FGF2: variants seen among roughly 807,000 people sequenced by gnomAD.
FGF2 encodes basic fibroblast growth factor bFGF.
In FGF2, 13 loss-of-function variants were observed where a neutral mutation model predicts 15.9. The observed-to-expected ratio is 0.82, with a 90% CI of 0.53 to 1.30. The LOEUF is 1.30. FGF2 is among the 50% of genes most tolerant of loss of function. The pLI is 0.00. For synonymous variants in FGF2, 90 were observed against 78.4 expected (o/e 1.15, Z -0.78); for missense variants, 163 against 196.9 (o/e 0.83, Z 1.03).
chr4:122,891,855 A>T (rs948802991), intron 2 of FGF2, among the ~76,000 whole-genome samples: 3 of 152,064 alleles, frequency 2.0e-5, no homozygotes, highest in Admixed American at 1.3e-4. Flanking sequence ...TACTGCTGGG[A>T]GCTATAGCTT....
At chr4:122,870,543 T>A (rs980941281) in intron 1 of FGF2, among the ~76,000 whole-genome samples, 3 of 149,514 alleles carry the variant, frequency 2.0e-5, no homozygotes, top group African/African-American at 7.3e-5. Flanking sequence ...TTCTTCCTGG[T>A]TTAGCCTTGG....
At chr4:122,853,722 G>A (rs1726280711) in intron 1 of FGF2, among the ~76,000 whole-genome samples, 1 of 152,192 alleles carries the variant, frequency 6.6e-6, no homozygotes, top group Admixed American at 6.5e-5. Flanking sequence ...TACTGGAATG[G>A]TGCGAGGGTG....
chr4:122,885,432 T>C (rs1263773309), intron 2 of FGF2, among the ~76,000 whole-genome samples: 2 of 152,218 alleles, frequency 1.3e-5, no homozygotes, highest in African/African-American at 4.8e-5. Context: ...CAGGAATGCA[T>C]GAGGTGCTTT....
At chr4:122,852,092 T>G (rs1056719644) in intron 1 of FGF2, among the ~76,000 whole-genome samples, 1 of 152,184 alleles carries the variant, frequency 6.6e-6, no homozygotes, top group African/African-American at 2.4e-5. Context: ...ACTGCTTCAG[T>G]TGTCTATTGC....
chr4:122,859,971 T>G (rs1235836799), intron 1 of FGF2, among the ~76,000 whole-genome samples: 1 of 152,188 alleles, frequency 6.6e-6, no homozygotes, highest in East Asian at 1.9e-4. Context: ...TTCTTGAAGG[T>G]CCCACTTGAG....
chr4:122,839,953 G>A (rs923133109), intron 1 of FGF2, among the ~76,000 whole-genome samples: 5 of 152,138 alleles, frequency 3.3e-5, no homozygotes, highest in Admixed American at 3.3e-4. Context: ...TTGGCTTGTC[G>A]ATGGCCACTC....
intron 1 of FGF2, among the ~76,000 whole-genome samples, chr4:122,849,712 T>A (rs141894369): frequency 6.6e-6 from 1 of 152,180 alleles, no homozygotes; most frequent in Non-Finnish European, 1.5e-5. Flanking sequence ...GTCTGTGATA[T>A]TCAGTAATTT....
chr4:122,875,758 G>A (rs1003467236), intron 1 of FGF2, among the ~76,000 whole-genome samples: 1 of 152,212 alleles, frequency 6.6e-6, no homozygotes, highest in Non-Finnish European at 1.5e-5. Context: ...AGTGAGCCGT[G>A]ATTGTGCCAC....
intron 1 of FGF2, among the ~76,000 whole-genome samples, chr4:122,841,098 G>A (rs192627793): frequency 1.5e-3 from 234 of 152,292 alleles, no homozygotes; most frequent in African/African-American, 5.5e-3. Flanking sequence ...ATATTTGACC[G>A]AATTTCTCAT....
intron 2 of FGF2, among the ~76,000 whole-genome samples, chr4:122,880,044 C>G (rs1726930469): frequency 6.6e-6 from 1 of 152,170 alleles, no homozygotes; most frequent in Admixed American, 6.5e-5. Flanking sequence ...ACTCAAAAGT[C>G]CACAGTCCAA....
At chr4:122,877,598 G>C (rs954084021) in intron 2 of FGF2, among the ~76,000 whole-genome samples, 1 of 152,204 alleles carries the variant, frequency 6.6e-6, no homozygotes, top group African/African-American at 2.4e-5. Flanking sequence ...ATAAAAGACA[G>C]ATCTCATTCC....
chr4:122,862,156 G>A (rs146848368), intron 1 of FGF2, among the ~76,000 whole-genome samples: 1 of 152,270 alleles, frequency 6.6e-6, no homozygotes, highest in Non-Finnish European at 1.5e-5. Context: ...GCACATAGCT[G>A]TTACCCATAA....
chr4:122,877,414 T>C (rs1321143920), intron 2 of FGF2, among the ~76,000 whole-genome samples: 1 of 152,158 alleles, frequency 6.6e-6, no homozygotes, highest in Non-Finnish European at 1.5e-5. Flanking sequence ...TGCCTGGCTG[T>C]AGAGAGGAAC....
At chr4:122,843,275 G>A (rs912400178) in intron 1 of FGF2, among the ~76,000 whole-genome samples, 1 of 152,206 alleles carries the variant, frequency 6.6e-6, no homozygotes, top group Non-Finnish European at 1.5e-5. Context: ...GGCGGGGAAG[G>A]GCAGGAAGGC....
In FGF2 at chr4:122,892,350, C is replaced by G; in HGVS notation, c.422C>G (p.Pro141Arg). 6.2e-7 allele frequency: 1 copy of G among 1,614,088 alleles called. No homozygotes were observed. The change falls in exon 3 of 3, where the codon CCT becomes CGT. Residue 141 changes from proline to arginine, a missense_variant. Coordinates refer to ENST00000644866, the MANE Select transcript of FGF2 (RefSeq NM_001361665.2). The stretch of plus-strand genomic sequence containing the variant: ...TATAAACTTGGATCCAAAACAGGAC[C>G]TGGGCAGAAAGCTATACTTTTTCTT... ...GQYKLGSKTG[P>R]GQKAILFLPM...
chr4:122,874,288 C>T lies in FGF2; in HGVS notation c.179-2033C>T, dbSNP rs10035081. Among the ~76,000 whole-genome samples the T allele has an allele frequency of 5.7e-3, 868 of 152,224 alleles. 8 individuals carry two copies. Among genetic ancestry groups the T allele is most frequent in the African/African-American group, 0.019 (804 of 41,544 alleles). On this transcript the variant is annotated intron_variant, in intron 1 of 2. Transcript: ENST00000644866. ...AACAAAGCTTATTTTCTGCATTTTC[C>T]AATAATATTGTAAAAAATACTTCAT...
intron 1 of FGF2, among the ~76,000 whole-genome samples, chr4:122,852,044 T>C (rs957325640): frequency 3.3e-5 from 5 of 149,508 alleles, no homozygotes; most frequent in Non-Finnish European, 7.5e-5. Flanking sequence ...TATTTATTAT[T>C]CCTAAATCTC....
intron 1 of FGF2, among the ~76,000 whole-genome samples, chr4:122,841,369 C>T (rs45513297): frequency 4.4e-4 from 67 of 152,354 alleles, no homozygotes; most frequent in Admixed American, 1.9e-3. Context: ...GGAGTGGACA[C>T]TCCTTAGTCA....
At position 122,894,586 on chromosome 4, in the gene FGF2, C is replaced by T; in HGVS notation, c.*2190C>T. 6.6e-6 allele frequency: 1 copy of T among 151,430 alleles called. No individual in the cohort carries two copies. Among genetic ancestry groups the T allele is most frequent in the South Asian group, 2.1e-4 (1 of 4,782 alleles). 9.4% of individuals were successfully genotyped at this position (151,430 alleles called of 1,614,324 possible). A position where few individuals can be genotyped will look rare whatever the true frequency, so the allele number is the denominator to read the frequency against. ...TAGGCAACAGAGTGAGACTTTGTCT[C>T]AAAAAAAGAGAAATTTTCCTTAATA... On this transcript the variant is annotated 3_prime_UTR_variant, in exon 3 of 3. Coordinates refer to ENST00000644866, the MANE Select transcript of FGF2 (RefSeq NM_001361665.2).
Sources: gnomAD v4.1 joint callset for allele counts (sites outside exome capture counted in the v4.1 genomes callset) on GRCh38, gnomAD v4.1.1 for gene constraint, MANE v1.5 for transcripts, NCBI Gene and HGNC (gene_info 2026-07-23, HGNC 2026-07-21) for gene names.